BTRC: variants seen among roughly 807,000 people sequenced by gnomAD.
BTRC encodes the protein beta-transducin repeat containing E3 ubiquitin protein ligase.
In BTRC, 42 loss-of-function variants were observed where a neutral mutation model predicts 85.5. The ratio of observed to expected loss-of-function variants is 0.49; its 90% CI spans 0.38 to 0.64. BTRC has a LOEUF of 0.64. Among genes scored for constraint, BTRC ranks in the 30% least tolerant of loss-of-function variants. The pLI is 0.00. For missense variants in BTRC, 594 were observed against 743.5 expected (o/e 0.80, Z 2.34); for synonymous variants, 255 against 263.3 (o/e 0.97, Z 0.30).
chr10:101,448,744 A>T (rs1944888756), intron 2 of BTRC, among the ~76,000 whole-genome samples: 1 of 152,090 alleles, frequency 6.6e-6, no homozygotes, highest in South Asian at 2.1e-4. Context: ...CAAGTATCCC[A>T]AATAAGGAGT....
chr10:101,535,268 T>C, intron 10 of BTRC, 86 bp from the exon 11 acceptor site: 1 of 1,018,176 alleles, frequency 9.8e-7, no homozygotes, highest in Non-Finnish European at 1.5e-6. Context: ...TTCAGTCCTG[T>C]TTTCTGCTTC....
chr10:101,417,152 G>T (rs1356100354), intron 1 of BTRC, among the ~76,000 whole-genome samples: 1 of 151,898 alleles, frequency 6.6e-6, no homozygotes, highest in Non-Finnish European at 1.5e-5. Context: ...ATTATTATTG[G>T]CATATTATTT....
chr10:101,531,127 C>T, intron 6 of BTRC, 110 bp from the exon 7 acceptor site: 1 of 840,126 alleles, frequency 1.2e-6, no homozygotes, highest in Non-Finnish European at 1.8e-6. Context: ...GCCAACATCA[C>T]ACTGCTGCAC....
chr10:101,475,438 G>A, intron 3 of BTRC, among the ~76,000 whole-genome samples: 1 of 152,296 alleles, frequency 6.6e-6, no homozygotes, highest in East Asian at 1.9e-4. Flanking sequence ...TACTTGGTAG[G>A]CTGAGGCAGG....
chr10:101,360,373 T>C (rs1358145044), intron 1 of BTRC, among the ~76,000 whole-genome samples: 1 of 143,068 alleles, frequency 7.0e-6, no homozygotes, highest in African/African-American at 2.6e-5. Flanking sequence ...GGATCTGCTT[T>C]TTTTTTTTTT....
chr10:101,550,632 G>T (rs2062634538), intron 13 of BTRC, 67 bp from the exon 14 acceptor site: 1 of 1,515,330 alleles, frequency 6.6e-7, no homozygotes, highest in Non-Finnish European at 9.1e-7. Flanking sequence ...TTGACATGTT[G>T]CTGAATTTGT....
At chr10:101,491,540 C>CA (rs1946133450) in intron 4 of BTRC, among the ~76,000 whole-genome samples, 1 of 151,884 alleles carries the variant, frequency 6.6e-6, no homozygotes, top group Non-Finnish European at 1.5e-5. Context: ...ACTAAAACTA[C>CA]AAAAAAATTA....
intron 11 of BTRC, among the ~76,000 whole-genome samples, chr10:101,535,698 A>G (rs1265325084): frequency 2.0e-5 from 3 of 152,236 alleles, no homozygotes; most frequent in East Asian, 1.9e-4. Context: ...GAAAAGTGCT[A>G]ATAAACAGCT....
chr10:101,523,311 T>A (rs948888921), intron 5 of BTRC, among the ~76,000 whole-genome samples: 7 of 152,298 alleles, frequency 4.6e-5, no homozygotes, highest in Middle Eastern at 3.4e-3. Flanking sequence ...CTTGTTGTGG[T>A]GTTAAATAAA....
chr10:101,383,017 G>C (rs1942974985), intron 1 of BTRC, among the ~76,000 whole-genome samples: 2 of 148,306 alleles, frequency 1.3e-5, no homozygotes, highest in Admixed American at 1.3e-4. Context: ...CAAAAAGTAT[G>C]TCTGAATTCC....
chr10:101,464,366 G>T (rs1945313178), intron 3 of BTRC, among the ~76,000 whole-genome samples: 1 of 152,084 alleles, frequency 6.6e-6, no homozygotes, highest in African/African-American at 2.4e-5. Flanking sequence ...TCACACATGG[G>T]ACTAATCTGA....
At chr10:101,518,303 GT>G (rs2062052906) in intron 4 of BTRC, among the ~76,000 whole-genome samples, 1 of 152,160 alleles carries the variant, frequency 6.6e-6, no homozygotes, top group African/African-American at 2.4e-5. Flanking sequence ...GTGTCAGATT[GT>G]GTCGCTATTA....
At position 101,523,201 on chromosome 10, in the gene BTRC, C is replaced by T. The variant is rs2062144853; in HGVS notation, c.556+1331C>T. Among the ~76,000 whole-genome samples, 6 of 152,130 alleles carry T rather than the reference C, an allele frequency of 3.9e-5. No homozygotes were observed. In the South Asian group the frequency reaches 1.3e-3, roughly 32 times the overall value. On this transcript the variant is annotated intron_variant, in intron 5 of 14. Transcript: ENST00000370187. Reference sequence around the variant, plus strand: ...ACTGGGCGACAGGGCGAGACTCCATCTCAGAAAATAAATAAATAAATAAAT... The same window carrying T: ...ACTGGGCGACAGGGCGAGACTCCATTTCAGAAAATAAATAAATAAATAAAT...
At chr10:101,538,634 G>C (rs1051061888) in intron 13 of BTRC, among the ~76,000 whole-genome samples, 4 of 152,142 alleles carry the variant, frequency 2.6e-5, no homozygotes, top group Non-Finnish European at 5.9e-5. Context: ...TTTAGTGCAG[G>C]GAGTGAATAA....
At chr10:101,452,129 G>A (rs1011213310) in intron 2 of BTRC, among the ~76,000 whole-genome samples, 4 of 152,100 alleles carry the variant, frequency 2.6e-5, no homozygotes, top group African/African-American at 9.7e-5. Context: ...TGTCTCAAGA[G>A]GGAGAATGAT....
At chr10:101,393,654 T>C (rs760988664) in intron 1 of BTRC, among the ~76,000 whole-genome samples, 10 of 152,132 alleles carry the variant, frequency 6.6e-5, no homozygotes, top group Non-Finnish European at 1.2e-4. Flanking sequence ...ACAACCCACA[T>C]TTGGTCACAG....
chr10:101,404,232 G>A (rs1346356159), intron 1 of BTRC, among the ~76,000 whole-genome samples: 3 of 150,856 alleles, frequency 2.0e-5, no homozygotes, highest in South Asian at 4.2e-4. Context: ...GGGTTTCACC[G>A]TGTTAGCCAG....
At chr10:101,440,862 G>C (rs1944661831) in intron 2 of BTRC, among the ~76,000 whole-genome samples, 1 of 152,208 alleles carries the variant, frequency 6.6e-6, no homozygotes, top group South Asian at 2.1e-4. Context: ...ATGCTAGAAA[G>C]AGAGAAGATA....
chr10:101,505,718 C>G (rs1367259030), intron 4 of BTRC, among the ~76,000 whole-genome samples: 2 of 151,788 alleles, frequency 1.3e-5, no homozygotes, highest in African/African-American at 4.8e-5. Flanking sequence ...TGGGCAATTT[C>G]CATGTTTTTT....
Sources: gnomAD v4.1 joint callset for allele counts (sites outside exome capture counted in the v4.1 genomes callset) on GRCh38, gnomAD v4.1.1 for gene constraint, MANE v1.5 for transcripts, NCBI Gene and HGNC (gene_info 2026-07-23, HGNC 2026-07-21) for gene names.